Variants in TK1 observed in about 807,000 individuals in gnomAD.
TK1 encodes the protein thymidine kinase 1, also known as thymidine kinase, cytosolic.
In TK1, 13 loss-of-function variants were observed where a neutral mutation model predicts 22.4. That is an observed-to-expected ratio of 0.58 (90% CI 0.38 to 0.92). The LOEUF (loss-of-function observed/expected upper bound fraction) is 0.92. TK1 is among the 40% of genes least tolerant of loss of function. The pLI is 0.00. For synonymous variants in TK1, 134 were observed against 125.4 expected (o/e 1.07, Z -0.46); for missense variants, 251 against 315.7 (o/e 0.80, Z 1.55).
At chr17:78,177,474 G>A (rs955183614) in intron 4 of TK1, among the ~76,000 whole-genome samples, 16 of 152,132 alleles carry the variant, frequency 1.1e-4, no homozygotes, top group Admixed American at 4.6e-4. Flanking sequence ...GCAAATATTC[G>A]AAAACCTGAA....
intron 1 of TK1, 43 bp downstream of exon 1, chr17:78,186,886 C>A: frequency 1.3e-6 from 2 of 1,565,518 alleles, no homozygotes; most frequent in Non-Finnish European, 1.7e-6. Context: ...GCTATCACCA[C>A]GACCACCTCA....
In TK1 at chr17:78,187,003, CG is replaced by C. The variant is rs745615366; in HGVS notation, c.-10del. The C allele has an allele frequency of 9.5e-6, 15 of 1,586,706 alleles. No individual in the cohort carries two copies. The South Asian group carries it at 1.5e-4, about 16-fold the overall frequency. On this transcript the variant is annotated 5_prime_UTR_variant, in exon 1 of 7. Coordinates refer to ENST00000301634, the MANE Select transcript of TK1 (RefSeq NM_003258.5). ...AGGTTAATGCAGCTCATTGCGCCTC[CG>C]GGAAGTTCACGAACCCGAGTACTCT... is the stretch of plus-strand genomic sequence containing the variant.
At chr17:78,178,834 G>A (rs1355488037) in intron 4 of TK1, among the ~76,000 whole-genome samples, 5 of 152,094 alleles carry the variant, frequency 3.3e-5, no homozygotes, top group African/African-American at 4.8e-5. Flanking sequence ...TAGTAGAGAC[G>A]GAGTTTCTCC....
intron 6 of TK1, 31 bp downstream of exon 6, chr17:78,175,019 G>C (rs760952720): frequency 6.2e-7 from 1 of 1,611,234 alleles, no homozygotes; most frequent in Non-Finnish European, 8.5e-7. Context: ...CCCCCACCCC[G>C]CCGGCCTGCA....
upstream of TK1, chr17:78,187,184 G>A: frequency 1.1e-6 from 1 of 876,256 alleles, no homozygotes; most frequent in Non-Finnish European, 1.8e-6. Context: ...CCCCCTCGTG[G>A]GAGGAATCCG....
intron 4 of TK1, among the ~76,000 whole-genome samples, chr17:78,177,524 A>G (rs1465699778): frequency 6.6e-6 from 1 of 152,238 alleles, no homozygotes; most frequent in Non-Finnish European, 1.5e-5. Context: ...AGGTTAAGGA[A>G]TACTCAACCT....
At position 78,175,131 on chromosome 17, in the gene TK1, C is replaced by CT; in HGVS notation, c.431dup (p.Ser145GlufsTer222). On this transcript the variant is annotated frameshift_variant, in exon 6 of 7. Coordinates refer to ENST00000301634, the MANE Select transcript of TK1 (RefSeq NM_003258.5). LOFTEE classifies it high-confidence loss of function. ...ACACCGCCGTCAGCTTCACCACGCT[C>CT]TCGGCCAGCGGCACCAGGTTCAGGA... 6.2e-7 allele frequency: 1 copy of CT among 1,613,334 alleles called. No homozygotes were observed. Among genetic ancestry groups the CT allele is most frequent in the Non-Finnish European group, 8.5e-7 (1 of 1,179,894 alleles).
intron 4 of TK1, among the ~76,000 whole-genome samples, chr17:78,180,377 G>A (rs1439424773): frequency 6.6e-6 from 1 of 152,210 alleles, no homozygotes; most frequent in Non-Finnish European, 1.5e-5. Context: ...TGTACTTCGA[G>A]GCAACCCTAA....
intron 4 of TK1, among the ~76,000 whole-genome samples, chr17:78,178,537 G>A (rs921313444): frequency 2.0e-4 from 31 of 152,220 alleles, no homozygotes; most frequent in African/African-American, 2.4e-4. Flanking sequence ...CACTGTCCAC[G>A]TAGACAATGA....
At chr17:78,183,256 G>C (rs1450739823) in intron 3 of TK1, among the ~76,000 whole-genome samples, 1 of 152,176 alleles carries the variant, frequency 6.6e-6, no homozygotes, top group African/African-American at 2.4e-5. Context: ...GGGCAGACTA[G>C]GCCAACTTCA....
chr17:78,184,687 A>G (rs1401677966), intron 3 of TK1, among the ~76,000 whole-genome samples: 1 of 152,148 alleles, frequency 6.6e-6, no homozygotes, highest in Non-Finnish European at 1.5e-5. Flanking sequence ...GGCTCCTGAC[A>G]TTTGGGGCCA....
chr17:78,176,779 G>A (rs374240515), intron 4 of TK1, among the ~76,000 whole-genome samples: 3 of 152,188 alleles, frequency 2.0e-5, no homozygotes, highest in Admixed American at 1.3e-4. Context: ...GGATCTCGCT[G>A]TGTCCTGTGC....
chr17:78,179,395 G>A (rs947087405), intron 4 of TK1: 26 of 985,242 alleles, frequency 2.6e-5, no homozygotes, highest in Non-Finnish European at 3.0e-5. Context: ...GCAGAGGCAT[G>A]GGGGTGCTCA....
chr17:78,174,716 G>T lies in TK1; in HGVS notation c.*43C>A. 6.5e-7 allele frequency: 1 copy of T among 1,533,578 alleles called. No homozygotes were observed. 95.0% of individuals were successfully genotyped at this position (1,533,578 alleles called of 1,614,324 possible). The stretch of plus-strand genomic sequence containing the variant: ...GCAGCATGCAGGGCAGCGTCCAGTA[G>T]GCGGCAGTGGCAGGAAGGGAGCGGG... On this transcript the variant is annotated 3_prime_UTR_variant, in exon 7 of 7. Coordinates refer to ENST00000301634, the MANE Select transcript of TK1 (RefSeq NM_003258.5).
At position 78,175,114 on chromosome 17, in the gene TK1, G is replaced by A. The variant is rs765396900; in HGVS notation, c.449C>T (p.Thr150Met). 2.7e-5 allele frequency: 43 copies of A among 1,613,256 alleles called. No homozygotes were observed. In the East Asian group the frequency reaches 2.9e-4, roughly 11 times the overall value. Residue 150 changes from threonine to methionine, a missense_variant, in exon 6 of 7, where the codon ACG becomes ATG. By Grantham distance (81) the Thr-to-Met change is moderately conservative (BLOSUM62 -1). Transcript: ENST00000301634. The stretch of plus-strand genomic sequence containing the variant: ...CCGGAAGCACTCCATGCACACCGCC[G>A]TCAGCTTCACCACGCTCTCGGCCAG... ...VPLAESVVKL[T>M]AVCMECFREA...
chr17:78,186,643 G>A, intron 2 of TK1, 144 bp downstream of exon 2: 1 of 841,682 alleles, frequency 1.2e-6, no homozygotes, highest in Non-Finnish European at 1.8e-6. Flanking sequence ...GCTGTAGGAG[G>A]CTGTGCTGGT....
At chr17:78,175,899 G>A (rs555322121) in intron 4 of TK1, among the ~76,000 whole-genome samples, 1 of 152,326 alleles carries the variant, frequency 6.6e-6, no homozygotes, top group East Asian at 1.9e-4. Context: ...CACACCAGCT[G>A]TGCTGTTTAA....
chr17:78,182,404 A>G (rs1598969043), intron 4 of TK1, among the ~76,000 whole-genome samples, 185 bp downstream of exon 4: 1 of 151,810 alleles, frequency 6.6e-6, no homozygotes, highest in Admixed American at 6.6e-5. Context: ...AACGAATCCT[A>G]CAAGACTATG....
At chr17:78,180,232 G>A (rs117305036) in intron 4 of TK1, among the ~76,000 whole-genome samples, 4,541 of 152,304 alleles carry the variant, frequency 0.03, 99 homozygotes, top group Non-Finnish European at 0.049. Context: ...CTTCCCCTCC[G>A]TGTCTGTATA....
Sources: gnomAD v4.1 joint callset for allele counts (sites outside exome capture counted in the v4.1 genomes callset) on GRCh38, gnomAD v4.1.1 for gene constraint, MANE v1.5 for transcripts, NCBI Gene and HGNC (gene_info 2026-07-23, HGNC 2026-07-21) for gene names.